Variants in MAST4 observed in about 807,000 individuals in gnomAD.
MAST4 encodes the protein microtubule-associated serine/threonine-protein kinase 4.
In MAST4, 89 loss-of-function variants were observed where a neutral mutation model predicts 162.7. The observed-to-expected ratio is 0.55, with a 90% CI of 0.46 to 0.65. The LOEUF is 0.65. Among genes scored for constraint, MAST4 ranks in the 30% least tolerant of loss-of-function variants. MAST4 has a pLI of 0.00. For synonymous variants in MAST4, 1,479 were observed against 1,361.1 expected (o/e 1.09, Z -1.91); for missense variants, 3,153 against 3,374.0 (o/e 0.93, Z 1.62).
chr5:66,988,544 G>A (rs1245626397), intron 4 of MAST4, among the ~76,000 whole-genome samples: 1 of 152,190 alleles, frequency 6.6e-6, no homozygotes, highest in African/African-American at 2.4e-5. Context: ...CCTAGCAACA[G>A]TCCTATGAGG....
intron 5 of MAST4, among the ~76,000 whole-genome samples, chr5:67,085,025 A>G (rs766943000): frequency 6.6e-6 from 1 of 152,174 alleles, no homozygotes; most frequent in Non-Finnish European, 1.5e-5. Context: ...CACATTTAAT[A>G]TATTTGAAAT....
intron 24 of MAST4, among the ~76,000 whole-genome samples, chr5:67,152,066 G>T (rs116658286): frequency 0.024 from 3,624 of 152,234 alleles, 64 homozygotes; most frequent in Non-Finnish European, 0.038. Context: ...ACTACACCCG[G>T]CCAGTTAAAA....
intron 1 of MAST4, among the ~76,000 whole-genome samples, chr5:66,637,713 T>G (rs1016952507): frequency 3.9e-5 from 6 of 152,164 alleles, no homozygotes; most frequent in Admixed American, 1.3e-4. Context: ...TTTTCTTTCT[T>G]TTTTTCTTTT....
intron 1 of MAST4, among the ~76,000 whole-genome samples, chr5:66,657,647 C>T (rs1018721452): frequency 2.0e-5 from 3 of 152,116 alleles, no homozygotes; most frequent in Admixed American, 6.6e-5. Flanking sequence ...AGATAACATG[C>T]GTGAGTAATA....
chr5:67,076,156 A>G (rs551706646), intron 5 of MAST4, among the ~76,000 whole-genome samples: 6 of 152,118 alleles, frequency 3.9e-5, no homozygotes, highest in African/African-American at 1.2e-4. Flanking sequence ...ACCATTTCCA[A>G]TTTCTTGAGT....
chr5:67,007,976 A>T (rs534556085), intron 4 of MAST4, among the ~76,000 whole-genome samples: 3 of 152,360 alleles, frequency 2.0e-5, no homozygotes, highest in Admixed American at 2.0e-4. Context: ...TCCCAAGGAC[A>T]GTATATTATG....
chr5:67,153,896 T>C (rs1268191829), intron 26 of MAST4, among the ~76,000 whole-genome samples: 1 of 152,208 alleles, frequency 6.6e-6, no homozygotes, highest in African/African-American at 2.4e-5. Context: ...GGTGACTTCC[T>C]TCAGGAACTT....
At chr5:66,874,280 C>A (rs1462808028) in intron 3 of MAST4, among the ~76,000 whole-genome samples, 2 of 152,054 alleles carry the variant, frequency 1.3e-5, no homozygotes, top group Non-Finnish European at 2.9e-5. Context: ...GACCATGGAG[C>A]AGTTATTTGT....
At chr5:66,777,228 A>G (rs1256561230) in intron 2 of MAST4, among the ~76,000 whole-genome samples, 1 of 152,240 alleles carries the variant, frequency 6.6e-6, no homozygotes, top group Non-Finnish European at 1.5e-5. Flanking sequence ...GGTATGCTCC[A>G]AGTTCCCAGT....
At chr5:66,805,947 C>G (rs1457891320) in intron 3 of MAST4, among the ~76,000 whole-genome samples, 1 of 152,152 alleles carries the variant, frequency 6.6e-6, no homozygotes, top group Non-Finnish European at 1.5e-5. Flanking sequence ...TTTTAATTTG[C>G]AGTTGTGAAA....
In MAST4 at chr5:66,819,643, C is replaced by CT. The variant is rs549840053; in HGVS notation, c.642+30851dup. On this transcript the variant is annotated intron_variant, in intron 3 of 28. Transcript: ENST00000403625. ...ATATTTTAAATTCCAGGGTGACCAG[C>CT]TTGGTTTTTCTCCTTAGAAAATTTT... Among the ~76,000 whole-genome samples the CT allele has an allele frequency of 9.9e-5, 15 of 152,106 alleles. No individual in the cohort carries two copies. The East Asian group carries it at 2.9e-3, about 29-fold the overall frequency.
chr5:66,694,488 C>A (rs985983439), intron 1 of MAST4, among the ~76,000 whole-genome samples: 6 of 151,560 alleles, frequency 4.0e-5, no homozygotes, highest in African/African-American at 1.5e-4. Flanking sequence ...TTTTTTCTTT[C>A]TTTTTTTTCT....
chr5:66,675,211 G>A (rs1366131183), intron 1 of MAST4, among the ~76,000 whole-genome samples: 1 of 152,218 alleles, frequency 6.6e-6, no homozygotes, highest in Non-Finnish European at 1.5e-5. Context: ...CTGTACATGT[G>A]TTTAGCTTCC....
At chr5:66,963,380 A>G (rs1056165113) in intron 4 of MAST4, among the ~76,000 whole-genome samples, 1 of 152,242 alleles carries the variant, frequency 6.6e-6, no homozygotes, top group Non-Finnish European at 1.5e-5. Context: ...AATCTAGAAT[A>G]AAATATACTC....
At chr5:66,750,262 G>A (rs959385325) in intron 1 of MAST4, among the ~76,000 whole-genome samples, 3 of 152,180 alleles carry the variant, frequency 2.0e-5, no homozygotes, top group Non-Finnish European at 4.4e-5. Context: ...CATACTGGAT[G>A]AGTCTTTAAA....
chr5:66,788,607 C>CCCAGAAAAAAAAAAAAA, intron 2 of MAST4, 63 bp from the exon 3 acceptor site: 1 of 1,373,728 alleles, frequency 7.3e-7, no homozygotes, highest in Non-Finnish European at 1.0e-6. Flanking sequence ...CCCCCACCCC[C>CCCAGAAAAAAAAAAAAA]ATTGCAATAA....
intron 4 of MAST4, among the ~76,000 whole-genome samples, chr5:66,912,649 G>C (rs1763852621): frequency 1.3e-5 from 2 of 152,108 alleles, no homozygotes; most frequent in Admixed American, 6.5e-5. Context: ...ATCATGGGGA[G>C]AAATGCCATC....
intron 3 of MAST4, among the ~76,000 whole-genome samples, chr5:66,828,033 T>C (rs1757356711): frequency 6.6e-6 from 1 of 152,222 alleles, no homozygotes; most frequent in Admixed American, 6.5e-5. Flanking sequence ...TTATACACTA[T>C]ACATAGGTTA....
At chr5:66,731,376 T>A (rs1054736345) in intron 1 of MAST4, among the ~76,000 whole-genome samples, 1 of 152,236 alleles carries the variant, frequency 6.6e-6, no homozygotes, top group Non-Finnish European at 1.5e-5. Flanking sequence ...CTTGGGAGTT[T>A]GCTCGATTCT....
Sources: allele counts gnomAD v4.1 joint callset (sites outside exome capture counted in the v4.1 genomes callset), GRCh38; gene constraint gnomAD v4.1.1; transcripts MANE v1.5; gene names NCBI Gene and HGNC (gene_info 2026-07-23, HGNC 2026-07-21).